ALDH1A1: variants seen among roughly 807,000 people sequenced by gnomAD.
The protein encoded by ALDH1A1 is aldehyde dehydrogenase 1 family member A1.
In ALDH1A1, 19 loss-of-function variants were observed where a neutral mutation model predicts 62.1. The observed-to-expected ratio is 0.31, with a 90% CI of 0.21 to 0.45. The LOEUF (loss-of-function observed/expected upper bound fraction) is 0.45, where lower values mean the gene tolerates loss of function less well. Ranked by LOEUF, ALDH1A1 falls within the 20% of genes least tolerant of loss-of-function variation. The pLI is 1.00. For missense variants in ALDH1A1, 521 were observed against 607.1 expected, an observed-to-expected ratio of 0.86 and a Z score of 1.49; for synonymous variants, 231 against 215.9, an observed-to-expected ratio of 1.07 and a Z score of -0.61.
At chr9:72,904,636 AAG>A (rs1163608644) in intron 12 of ALDH1A1, among the ~76,000 whole-genome samples, 1 of 152,106 alleles carries the variant, frequency 6.6e-6, no homozygotes, top group Non-Finnish European at 1.5e-5. Flanking sequence ...TAGAGGTTAA[AAG>A]ATCTATTTTC....
At chr9:72,913,216 T>A (rs2118499268) in intron 9 of ALDH1A1, among the ~76,000 whole-genome samples, 1 of 152,296 alleles carries the variant, frequency 6.6e-6, no homozygotes, top group Non-Finnish European at 1.5e-5. Context: ...CCCCCATATC[T>A]AACTAGATTA....
intron 11 of ALDH1A1, among the ~76,000 whole-genome samples, chr9:72,908,535 GAAAGAA>G (rs1829915792): frequency 1.8e-5 from 2 of 110,858 alleles, no homozygotes; most frequent in Admixed American, 1.9e-4. Context: ...AAGAAAGAAA[GAAAGAA>G]AGAAAAGAAA....
At position 72,928,899 on chromosome 9, in the gene ALDH1A1, T is replaced by C. The variant is rs558087737; in HGVS notation, c.435A>G (p.Ile145Met). 1.2e-6 allele frequency: 2 copies of C among 1,613,590 alleles called. No homozygotes were observed. The highest frequency in any genetic ancestry group is 1.7e-6 in the Non-Finnish European group (2 of 1,179,808). The change falls in exon 4 of 13, where the codon ATA becomes ATG. Residue 145 changes from isoleucine (I) to methionine (M), a missense_variant. Physicochemically the swap from Ile to Met is conservative, Grantham distance 10. Coordinates refer to ENST00000297785, the MANE Select transcript of ALDH1A1 (RefSeq NM_000689.5). ...GWADKIQGRT[I>M]PIDGNFFTYT... The stretch of plus-strand genomic sequence containing the variant: ...TTTCTCAAAGATACTTACCAATTGG[T>C]ATTGTACGGCCCTGGATCTTGTCAG...
chr9:72,904,023 T>A (rs999571454), intron 12 of ALDH1A1, among the ~76,000 whole-genome samples: 11 of 152,006 alleles, frequency 7.2e-5, no homozygotes, highest in African/African-American at 2.7e-4. Context: ...TTTGTGACAG[T>A]TATGTGGCTA....
chr9:72,935,872 T>G (rs1830340965), intron 2 of ALDH1A1, among the ~76,000 whole-genome samples: 2 of 152,220 alleles, frequency 1.3e-5, no homozygotes, highest in Non-Finnish European at 2.9e-5. Flanking sequence ...TGTAATTTAC[T>G]AGATTTGTAC....
intron 7 of ALDH1A1, among the ~76,000 whole-genome samples, chr9:72,922,778 T>C (rs1172527618): frequency 6.6e-6 from 1 of 152,218 alleles, no homozygotes; most frequent in African/African-American, 2.4e-5. Context: ...TTTTTAAATG[T>C]ATTGCCATAT....
intron 5 of ALDH1A1, 113 bp downstream of exon 5, chr9:72,927,003 C>T (rs1830220043): frequency 1.3e-6 from 1 of 773,008 alleles, no homozygotes; most frequent in Non-Finnish European, 2.0e-6. Context: ...CTTACATTTA[C>T]TCCACATTTA....
intron 11 of ALDH1A1, among the ~76,000 whole-genome samples, 161 bp downstream of exon 11, chr9:72,909,441 A>C (rs914890358): frequency 7.2e-5 from 11 of 152,150 alleles, no homozygotes; most frequent in Admixed American, 3.3e-4. Context: ...TACAGGCATG[A>C]GCCACCGCAC....
intron 9 of ALDH1A1, among the ~76,000 whole-genome samples, chr9:72,916,006 G>A (rs904025095): frequency 1.3e-5 from 2 of 152,110 alleles, no homozygotes; most frequent in East Asian, 1.9e-4. Flanking sequence ...GGATTTCTCG[G>A]CAGTTGTCCT....
intron 12 of ALDH1A1, among the ~76,000 whole-genome samples, chr9:72,903,609 T>TAA (rs199838126): frequency 6.3e-5 from 9 of 141,860 alleles, no homozygotes; most frequent in African/African-American, 2.3e-4. Flanking sequence ...ATTTTTGAAG[T>TAA]AAAAAAAAAA....
chr9:72,928,350 C>T (rs968504282), intron 4 of ALDH1A1, among the ~76,000 whole-genome samples: 3 of 152,142 alleles, frequency 2.0e-5, no homozygotes, highest in African/African-American at 4.8e-5. Context: ...AAACCCTTAA[C>T]TTAGGCTGCA....
intron 5 of ALDH1A1, among the ~76,000 whole-genome samples, chr9:72,926,522 C>A (rs1312627944): frequency 6.6e-6 from 1 of 152,126 alleles, no homozygotes; most frequent in Non-Finnish European, 1.5e-5. Context: ...TCTTCACAAT[C>A]CTCTTAAAAA....
intron 9 of ALDH1A1, among the ~76,000 whole-genome samples, chr9:72,915,768 C>T (rs528224994): frequency 6.6e-6 from 1 of 152,292 alleles, no homozygotes; most frequent in South Asian, 2.1e-4. Flanking sequence ...CTGTAAACTC[C>T]ATGAGGTCCG....
Position 72,927,429 on chromosome 9 carries a change from C to T in ALDH1A1, c.443-252G>A, listed in dbSNP as rs375151452. Among the ~76,000 whole-genome samples the T allele has an allele frequency of 5.9e-5, 9 of 152,072 alleles. No homozygotes were observed. In the South Asian group the frequency reaches 8.3e-4, roughly 14 times the overall value. ...TAAGTGAAGCCCTAAAATAGTAATT[C>T]GAAATGATAGGAACCATAAAATTGA... On this transcript the variant is annotated intron_variant, in intron 4 of 12. Transcript: ENST00000297785.
At chr9:72,929,185 G>A (rs1055516702) in intron 3 of ALDH1A1, among the ~76,000 whole-genome samples, 164 bp from the exon 4 acceptor site, 2 of 152,100 alleles carry the variant, frequency 1.3e-5, no homozygotes, top group East Asian at 1.9e-4. Flanking sequence ...ACTTCCTTTA[G>A]GTCAAATAGC....
intron 7 of ALDH1A1, among the ~76,000 whole-genome samples, chr9:72,920,053 C>T (rs897409759): frequency 2.6e-5 from 4 of 151,962 alleles, no homozygotes; most frequent in Admixed American, 6.6e-5. Context: ...CACTATTTTG[C>T]TTCTTTTATT....
Position 72,909,729 on chromosome 9 carries a change from A to T in ALDH1A1, c.1231T>A (p.Phe411Ile). Residue 411 changes from phenylalanine (F) to isoleucine (I), a missense_variant, in exon 11 of 13, where the codon TTT becomes ATT. Phe to Ile is a conservative substitution (Grantham distance 21). Transcript: ENST00000297785. ...IFGPVQQIMK[F>I]KSLDDVIKRA... ...TTGATCACGTCATCTAAAGATTTAAACTTCATGATTTGCTGCACTGGTCCA... is the reference window on the plus strand; with the variant it reads ...TTGATCACGTCATCTAAAGATTTAATCTTCATGATTTGCTGCACTGGTCCA... 6.2e-7 allele frequency: 1 copy of T among 1,613,578 alleles called. No homozygotes were observed. The highest frequency in any genetic ancestry group is 2.2e-5 in the East Asian group (1 of 44,858).
intron 12 of ALDH1A1, among the ~76,000 whole-genome samples, chr9:72,903,546 A>T (rs933668968): frequency 6.6e-6 from 1 of 151,844 alleles, no homozygotes; most frequent in Non-Finnish European, 1.5e-5. Flanking sequence ...TTGGTTATTA[A>T]ATTCACCAAA....
In ALDH1A1 at chr9:72,925,689, C is replaced by A. The variant is rs535525647; in HGVS notation, c.505-77G>T. ...GCTAATCCAACTTCCATATTATACA[C>A]CCCCTGTAGATGTTATGTAATAATT... On this transcript the variant is annotated intron_variant, in intron 5 of 12. Coordinates refer to ENST00000297785, the MANE Select transcript of ALDH1A1 (RefSeq NM_000689.5). 38 of 1,473,800 alleles carry A rather than the reference C, an allele frequency of 2.6e-5. No homozygotes were observed. The South Asian group carries it at 3.9e-4, about 15-fold the overall frequency. 91.3% of individuals were successfully genotyped at this position (1,473,800 alleles called of 1,614,324 possible). A position where few individuals can be genotyped will look rare whatever the true frequency, so the allele number is the denominator to read the frequency against.
Sources: allele counts gnomAD v4.1 joint callset (sites outside exome capture counted in the v4.1 genomes callset), GRCh38; gene constraint gnomAD v4.1.1; transcripts MANE v1.5; gene names NCBI Gene and HGNC (gene_info 2026-07-23, HGNC 2026-07-21).